The following EWSR1 variants were observed in gnomAD, a reference collection of about 807,000 sequenced individuals.
The protein encoded by EWSR1 is RNA-binding protein EWS.
In EWSR1, 14 loss-of-function variants were observed where a neutral mutation model predicts 92.1. That is an observed-to-expected ratio of 0.15 (90% confidence interval 0.10 to 0.24). The LOEUF (loss-of-function observed/expected upper bound fraction) is 0.24, where lower values mean the gene tolerates loss of function less well. EWSR1 is among the 10% of genes least tolerant of loss of function. The probability of loss-of-function intolerance (pLI) is 1.00; values close to 1 mark genes in which losing one functional copy is unlikely to be tolerated. For synonymous variants in EWSR1, 303 were observed against 292.9 expected (o/e 1.03, Z -0.35); for missense variants, 637 against 870.9 (o/e 0.73, Z 3.38).
intron 3 of EWSR1, 66 bp from the exon 4 acceptor site, chr22:29,273,675 C>T: frequency 4.5e-6 from 7 of 1,553,804 alleles, no homozygotes; most frequent in Non-Finnish European, 6.1e-6. Flanking sequence ...CCAATTTAGT[C>T]CATTTTATTG....
In EWSR1 at chr22:29,299,218, A is replaced by G. The variant is rs1569125255; in HGVS notation, c.1581-16A>G. The G allele has an allele frequency of 1.2e-6, 2 of 1,613,972 alleles. No homozygotes were observed. The highest frequency in any genetic ancestry group is 3.3e-5 in the Admixed American group (2 of 60,014). On this transcript the variant is annotated splice_polypyrimidine_tract_variant and intron_variant, in intron 14 of 16. Coordinates refer to ENST00000397938, the MANE Select transcript of EWSR1 (RefSeq NM_005243.4). ...AGTTCAATTGGTGATTTCTGCTGTG[A>G]TGTAATTGTATGCAGGGGTTGTGGA...
intron 9 of EWSR1, 158 bp downstream of exon 9, chr22:29,291,757 GTTAACC>G (rs2147531939): frequency 1.5e-6 from 1 of 661,614 alleles, no homozygotes; most frequent in Admixed American, 3.1e-5. Flanking sequence ...GGTTAATAAG[GTTAACC>G]TATGGTTACA....
chr22:29,297,725 C>T, intron 12 of EWSR1, 102 bp from the exon 13 acceptor site: 3 of 1,450,926 alleles, frequency 2.1e-6, no homozygotes, highest in Non-Finnish European at 1.9e-6. Flanking sequence ...GAGAAGATTA[C>T]AGGCAGACCT....
At chr22:29,296,033 A>C (rs980263426) in intron 11 of EWSR1, 2 of 526,582 alleles carry the variant, frequency 3.8e-6, no homozygotes, top group Non-Finnish European at 6.7e-6. Context: ...TCACTTCCAC[A>C]CTTTGGTCTA....
chr22:29,281,081 G>A (rs1285582043), intron 5 of EWSR1, among the ~76,000 whole-genome samples: 1 of 151,580 alleles, frequency 6.6e-6, no homozygotes, highest in Non-Finnish European at 1.5e-5. Context: ...GGGTTTCACT[G>A]TGTTTGCCAG....
chr22:29,296,487 C>G, intron 12 of EWSR1, 119 bp downstream of exon 12: 1 of 1,238,700 alleles, frequency 8.1e-7, no homozygotes, highest in Non-Finnish European at 1.1e-6. Context: ...AGGTAGATGG[C>G]CGGTCTCCCT....
Position 29,296,363 on chromosome 22 carries a change from T to G in EWSR1, c.1289T>G (p.Phe430Cys). The G allele has an allele frequency of 1.2e-6, 2 of 1,613,976 alleles. No individual in the cohort carries two copies. Among genetic ancestry groups the G allele is most frequent in the Non-Finnish European group, 8.5e-7 (1 of 1,179,916 alleles). ...PPTAKAAVEW[F>C]DGKDFQGSKL... is the part of the protein sequence containing the mutation. ...ACTGCCAAGGCTGCCGTGGAATGGTTTGATGGTGAGATGTACTCACTGGCA... is the reference window on the plus strand; with the variant it reads ...ACTGCCAAGGCTGCCGTGGAATGGTGTGATGGTGAGATGTACTCACTGGCA... The change falls in exon 12 of 17, where the codon TTT becomes TGT. Residue 430 changes from phenylalanine (F) to cysteine (C), a missense_variant. By Grantham distance (205) the Phe-to-Cys change is radical. Coordinates refer to ENST00000397938, the MANE Select transcript of EWSR1 (RefSeq NM_005243.4).
At chr22:29,280,050 T>G (rs1489451914) in intron 5 of EWSR1, among the ~76,000 whole-genome samples, 2 of 152,192 alleles carry the variant, frequency 1.3e-5, no homozygotes, top group East Asian at 1.9e-4. Flanking sequence ...AAGTTAGTAC[T>G]TCACACCCTC....
intron 4 of EWSR1, 59 bp downstream of exon 4, chr22:29,273,923 C>G: frequency 6.3e-7 from 1 of 1,599,548 alleles, no homozygotes; most frequent in South Asian, 1.1e-5. Context: ...GGCTAAGAAG[C>G]TTATTAGTCA....
rs755153099 is a variant in EWSR1, at chr22:29,300,177, A to G, written c.*16A>G. 7.5e-6 allele frequency: 12 copies of G among 1,605,426 alleles called. No homozygotes were observed. The African/African-American group carries it at 1.2e-4, about 16-fold the overall frequency. The stretch of plus-strand genomic sequence containing the variant: ...GCCCTACTAGATGCAGAGACCCCGC[A>G]GAGCTGCATTGACTACCAGATTTAT... On this transcript the variant is annotated 3_prime_UTR_variant, in exon 17 of 17. Coordinates refer to ENST00000397938, the MANE Select transcript of EWSR1 (RefSeq NM_005243.4).
chr22:29,272,577 G>A lies in EWSR1; in HGVS notation c.102+146G>A, dbSNP rs530800854. On this transcript the variant is annotated intron_variant, in intron 3 of 16. Coordinates refer to ENST00000397938, the MANE Select transcript of EWSR1 (RefSeq NM_005243.4). The stretch of plus-strand genomic sequence containing the variant: ...GGCATTTTAAACTTTCACAGTGGGA[G>A]TGCGAAGGACTCCATTGTGCCATCA... 4.6e-5 allele frequency: 35 copies of A among 767,784 alleles called. No individual in the cohort carries two copies. The East Asian group carries it at 8.5e-4, about 19-fold the overall frequency. The allele number at this position is 767,784 out of a possible 1,614,324, so 47.6% of individuals were successfully genotyped here.
At chr22:29,270,148 G>T (rs1366161602) in intron 1 of EWSR1, among the ~76,000 whole-genome samples, 1 of 152,226 alleles carries the variant, frequency 6.6e-6, no homozygotes, top group Non-Finnish European at 1.5e-5. Flanking sequence ...GCTCAACTCA[G>T]GTAGTGTGAA....
At chr22:29,280,572 C>T (rs2147106502) in intron 5 of EWSR1, among the ~76,000 whole-genome samples, 1 of 152,146 alleles carries the variant, frequency 6.6e-6, no homozygotes, top group South Asian at 2.1e-4. Flanking sequence ...CTTTGCCTTA[C>T]TCTGGTGTTT....
chr22:29,288,994 C>T (rs557752655), intron 8 of EWSR1: 1 of 513,976 alleles, frequency 1.9e-6, no homozygotes, highest in East Asian at 3.4e-5. Flanking sequence ...CAGTATACTT[C>T]GTTGGGTCGG....
chr22:29,299,757 G>A lies in EWSR1; in HGVS notation c.1837G>A (p.Gly613Arg). Reference sequence around the variant, plus strand: ...CATGGACCGAGGTGGCTTTGGTGGAGGAAGACGAGGTGGCCCTGGGGGGCC... The same window carrying A: ...CATGGACCGAGGTGGCTTTGGTGGAAGAAGACGAGGTGGCCCTGGGGGGCC... ...RGMDRGGFGG[G>R]RRGGPGGPPG... The change falls in exon 16 of 17, where the codon GGA becomes AGA. Residue 613 changes from glycine to arginine, a missense_variant. Gly to Arg is a moderately radical substitution (Grantham distance 125). Around this residue, in one of 5 missense-constraint regions of EWSR1, gnomAD observed 363 missense variants for 447.8 expected, o/e 0.81. Coordinates refer to ENST00000397938, the MANE Select transcript of EWSR1 (RefSeq NM_005243.4). The A allele has an allele frequency of 6.2e-7, 1 of 1,608,630 alleles. No homozygotes were observed. The highest frequency in any genetic ancestry group is 8.5e-7 in the Non-Finnish European group (1 of 1,176,750).
intron 1 of EWSR1, among the ~76,000 whole-genome samples, chr22:29,271,641 C>T (rs2058690793): frequency 6.6e-6 from 1 of 152,212 alleles, no homozygotes; most frequent in Non-Finnish European, 1.5e-5. Flanking sequence ...ATAGTTCTGA[C>T]ACAGCAAACC....
At chr22:29,292,101 CTAA>C (rs1569104306) in intron 9 of EWSR1, 33 bp from the exon 10 acceptor site, 2 of 1,600,106 alleles carry the variant, frequency 1.2e-6, no homozygotes, top group Non-Finnish European at 1.7e-6. Context: ...AAGACGTGCA[CTAA>C]TAATATTTTA....
At chr22:29,274,447 A>AT (rs775814719) in intron 4 of EWSR1, 21 of 679,418 alleles carry the variant, frequency 3.1e-5, no homozygotes, top group Non-Finnish European at 5.0e-5. Flanking sequence ...TTGCAGATCC[A>AT]TGTCCTATTC....
intron 6 of EWSR1, among the ~76,000 whole-genome samples, chr22:29,283,732 C>T (rs1214921026): frequency 6.6e-6 from 1 of 150,964 alleles, no homozygotes; most frequent in East Asian, 1.9e-4. Flanking sequence ...CAGGGTTTCA[C>T]CATGTGGGCC....
Sources: allele counts gnomAD v4.1 joint callset (sites outside exome capture counted in the v4.1 genomes callset), GRCh38; gene constraint gnomAD v4.1.1; regional missense constraint gnomAD v4.1.1; transcripts MANE v1.5; gene names NCBI Gene and HGNC (gene_info 2026-07-23, HGNC 2026-07-21).